The following EXOC4 variants were observed in gnomAD, a reference collection of about 807,000 sequenced individuals.
EXOC4 encodes the protein exocyst complex component 4.
EXOC4 carries 71 observed loss-of-function variants against 107.2 expected under a neutral mutation model. The ratio of observed to expected loss-of-function variants is 0.66; its 90% CI spans 0.55 to 0.81. EXOC4 has a LOEUF of 0.81. Ranked by LOEUF, EXOC4 falls within the 30% of genes least tolerant of loss-of-function variation. The pLI, the probability that EXOC4 is intolerant of heterozygous loss-of-function variation, is 0.00. For missense variants in EXOC4, 1,108 were observed against 1,189.6 expected (o/e 0.93, Z 1.01); for synonymous variants, 456 against 441.2 (o/e 1.03, Z -0.42).
chr7:133,829,882 C>G (rs986220623), intron 11 of EXOC4, among the ~76,000 whole-genome samples: 4 of 152,108 alleles, frequency 2.6e-5, no homozygotes, highest in Non-Finnish European at 4.4e-5. Flanking sequence ...GTCATTATGT[C>G]CTTTTTGGAT....
chr7:134,067,200 AG>A (rs1297361503), downstream of EXOC4, among the ~76,000 whole-genome samples: 3 of 151,262 alleles, frequency 2.0e-5, no homozygotes, highest in Non-Finnish European at 4.4e-5. Flanking sequence ...CCTTACCAGA[AG>A]GGGTGCTGGA....
chr7:133,840,821 G>T (rs1262484443), intron 11 of EXOC4, among the ~76,000 whole-genome samples: 11 of 152,056 alleles, frequency 7.2e-5, no homozygotes, highest in Admixed American at 5.9e-4. Flanking sequence ...GTTCCATTGG[G>T]TGTTACCTTT....
rs76680033 is a variant in EXOC4, at chr7:133,919,366, C to A, written c.2027+1628C>A. On this transcript the variant is annotated intron_variant, in intron 13 of 17. Coordinates refer to ENST00000253861, the MANE Select transcript of EXOC4 (RefSeq NM_021807.4). ...ATTTGTTATAATTGATGAGCTAATA[C>A]TGATACAATATTAATGACTAAAGTC... Among the ~76,000 whole-genome samples the A allele has an allele frequency of 5.9e-3, 891 of 152,242 alleles. 9 individuals are homozygous for A. Among genetic ancestry groups the A allele is most frequent in the African/African-American group, 0.02 (839 of 41,544 alleles).
chr7:133,811,141 T>G (rs570981546), intron 10 of EXOC4, among the ~76,000 whole-genome samples: 1 of 152,156 alleles, frequency 6.6e-6, no homozygotes, highest in Non-Finnish European at 1.5e-5. Context: ...TACACAGATA[T>G]ACCTGTATGT....
chr7:133,772,752 T>C (rs924460124), intron 10 of EXOC4, among the ~76,000 whole-genome samples: 7 of 152,062 alleles, frequency 4.6e-5, no homozygotes, highest in African/African-American at 1.7e-4. Flanking sequence ...CAAGGACATT[T>C]GAGTCTCAGA....
At chr7:134,033,562 G>A (rs900828010) in intron 17 of EXOC4, among the ~76,000 whole-genome samples, 1 of 152,122 alleles carries the variant, frequency 6.6e-6, no homozygotes, top group Non-Finnish European at 1.5e-5. Context: ...ATACTTAGAG[G>A]CCCAAGATCC....
At chr7:133,671,436 G>T (rs768527491) in intron 10 of EXOC4, among the ~76,000 whole-genome samples, 25 of 152,070 alleles carry the variant, frequency 1.6e-4, no homozygotes, top group Non-Finnish European at 3.1e-4. Flanking sequence ...GTGTGTTGGT[G>T]GGTGCCTGTA....
intron 2 of EXOC4, among the ~76,000 whole-genome samples, chr7:133,278,560 C>T (rs1000437436): frequency 1.3e-5 from 2 of 151,990 alleles, no homozygotes; most frequent in African/African-American, 4.8e-5. Context: ...GAAGCAGGTG[C>T]CCAGATCCCA....
chr7:133,610,638 G>A (rs927155398), intron 9 of EXOC4, among the ~76,000 whole-genome samples: 1 of 151,332 alleles, frequency 6.6e-6, no homozygotes, highest in African/African-American at 2.4e-5. Flanking sequence ...TTATATTCTT[G>A]AATAGAGCTC....
intron 12 of EXOC4, among the ~76,000 whole-genome samples, chr7:133,914,517 G>A (rs1422852120): frequency 6.6e-6 from 1 of 152,112 alleles, no homozygotes; most frequent in East Asian, 1.9e-4. Flanking sequence ...CCAACCTGGA[G>A]TAGAAAAGTA....
At chr7:133,401,478 T>C (rs1419071891) in intron 7 of EXOC4, among the ~76,000 whole-genome samples, 6 of 151,868 alleles carry the variant, frequency 4.0e-5, no homozygotes, top group African/African-American at 1.5e-4. Flanking sequence ...CTGTGCAATA[T>C]ACTGAGACCC....
At chr7:134,061,361 T>C (rs1432721346) in intron 17 of EXOC4, among the ~76,000 whole-genome samples, 1 of 152,234 alleles carries the variant, frequency 6.6e-6, no homozygotes, top group Non-Finnish European at 1.5e-5. Flanking sequence ...CCTTCTCTGA[T>C]GCGTTTAGGT....
chr7:133,855,062 AATATATC>A, intron 11 of EXOC4, among the ~76,000 whole-genome samples: 1 of 71,632 alleles, frequency 1.4e-5, no homozygotes, highest in African/African-American at 1.1e-4. Flanking sequence ...AATATATCTA[AATATATC>A]TAAATATATC....
chr7:133,905,633 A>G (rs1019555251), intron 12 of EXOC4, among the ~76,000 whole-genome samples: 3 of 151,372 alleles, frequency 2.0e-5, no homozygotes, highest in South Asian at 2.1e-4. Context: ...TCATTAATCA[A>G]TTTTTTTTTC....
At chr7:133,802,867 AAGGAG>A (rs1796980648) in intron 10 of EXOC4, among the ~76,000 whole-genome samples, 2 of 151,172 alleles carry the variant, frequency 1.3e-5, no homozygotes, top group African/African-American at 2.4e-5. Flanking sequence ...AAAAAAAAAA[AAGGAG>A]AGAGAGAGAA....
At chr7:133,506,642 A>G (rs1418677018) in intron 9 of EXOC4, among the ~76,000 whole-genome samples, 2 of 152,158 alleles carry the variant, frequency 1.3e-5, no homozygotes, top group Non-Finnish European at 2.9e-5. Context: ...AGACTACCAA[A>G]TTACTTCCCG....
At chr7:133,298,737 C>T (rs1794577068) in intron 3 of EXOC4, among the ~76,000 whole-genome samples, 1 of 152,194 alleles carries the variant, frequency 6.6e-6, no homozygotes, top group Non-Finnish European at 1.5e-5. Flanking sequence ...TGGAATTATG[C>T]ATCAGAACCC....
At chr7:133,986,240 A>G (rs1007873690) in intron 14 of EXOC4, among the ~76,000 whole-genome samples, 5 of 152,242 alleles carry the variant, frequency 3.3e-5, no homozygotes, top group Non-Finnish European at 5.9e-5. Context: ...GAAAAGAGGT[A>G]GTTATTACTT....
At chr7:134,000,988 C>T (rs556473401) in intron 15 of EXOC4, among the ~76,000 whole-genome samples, 7 of 152,202 alleles carry the variant, frequency 4.6e-5, no homozygotes, top group African/African-American at 1.2e-4. Flanking sequence ...TCCAATCCAG[C>T]GCAGTCTGTG....
Sources: allele counts gnomAD v4.1 joint callset (sites outside exome capture counted in the v4.1 genomes callset), GRCh38; gene constraint gnomAD v4.1.1; transcripts MANE v1.5; gene names NCBI Gene and HGNC (gene_info 2026-07-23, HGNC 2026-07-21).